Variants in CDH8 observed in about 807,000 individuals in gnomAD.
CDH8 encodes the protein cadherin 8, also known as cadherin-8.
Under a neutral mutation model 68.1 loss-of-function variants are expected in CDH8, and 17 were observed. The observed-to-expected ratio is 0.25, with a 90% CI of 0.17 to 0.37. The LOEUF (loss-of-function observed/expected upper bound fraction) is 0.37. Ranked by LOEUF, CDH8 falls within the 10% of genes least tolerant of loss-of-function variation. The pLI is 1.00. For synonymous variants in CDH8, 372 were observed against 365.1 expected (o/e 1.02, Z -0.21); for missense variants, 763 against 999.3 (o/e 0.76, Z 3.19).
At chr16:61,702,646 T>G (rs1390654433) in intron 10 of CDH8, among the ~76,000 whole-genome samples, 5 of 152,216 alleles carry the variant, frequency 3.3e-5, no homozygotes, top group Non-Finnish European at 7.3e-5. Flanking sequence ...ATTATGAGAA[T>G]CTTCTCTAAT....
chr16:61,853,812 C>A (rs2143014111), intron 4 of CDH8, among the ~76,000 whole-genome samples: 1 of 152,190 alleles, frequency 6.6e-6, no homozygotes, highest in Non-Finnish European at 1.5e-5. Flanking sequence ...CCATAGCATG[C>A]ATTTTTAAAA....
intron 1 of CDH8, among the ~76,000 whole-genome samples, chr16:62,034,579 T>C (rs1902407202): frequency 6.6e-6 from 1 of 152,126 alleles, no homozygotes; most frequent in Non-Finnish European, 1.5e-5. Flanking sequence ...TACTCTCGCT[T>C]ACCTTCCCTA....
At chr16:61,870,318 A>C (rs1410077701) in intron 3 of CDH8, among the ~76,000 whole-genome samples, 2 of 152,176 alleles carry the variant, frequency 1.3e-5, no homozygotes, top group Non-Finnish European at 2.9e-5. Flanking sequence ...GCTGTTCGCC[A>C]GGCGGAAAGA....
At chr16:61,800,864 G>A (rs775114688) in intron 7 of CDH8, among the ~76,000 whole-genome samples, 1 of 152,088 alleles carries the variant, frequency 6.6e-6, no homozygotes, top group Non-Finnish European at 1.5e-5. Context: ...TGTCAAACCA[G>A]AATGTAGAAA....
At chr16:62,031,337 T>G (rs1902319754) in intron 1 of CDH8, among the ~76,000 whole-genome samples, 1 of 152,304 alleles carries the variant, frequency 6.6e-6, no homozygotes, top group East Asian at 1.9e-4. Context: ...CTTATGAAAT[T>G]TCTGCAGAGA....
intron 10 of CDH8, among the ~76,000 whole-genome samples, chr16:61,680,496 T>C (rs1439391096): frequency 6.6e-6 from 1 of 151,910 alleles, no homozygotes; most frequent in Non-Finnish European, 1.5e-5. Flanking sequence ...CTTCTGTAGG[T>C]AAATTCCTTC....
intron 5 of CDH8, among the ~76,000 whole-genome samples, chr16:61,822,457 T>C (rs1567486886): frequency 6.6e-6 from 1 of 151,662 alleles, no homozygotes; most frequent in South Asian, 2.1e-4. Context: ...AAATCAAATC[T>C]GGAGAACATT....
At chr16:61,815,315 A>G (rs1358980427) in intron 7 of CDH8, among the ~76,000 whole-genome samples, 1 of 152,204 alleles carries the variant, frequency 6.6e-6, no homozygotes, top group Non-Finnish European at 1.5e-5. Flanking sequence ...AATAATAACT[A>G]GCAACTACAA....
intron 10 of CDH8, among the ~76,000 whole-genome samples, chr16:61,657,310 A>G (rs1963467392): frequency 6.6e-6 from 1 of 152,154 alleles, no homozygotes; most frequent in Non-Finnish European, 1.5e-5. Flanking sequence ...AAATGGATAT[A>G]TAGTTATATT....
chr16:61,702,893 C>T (rs1964460397), intron 10 of CDH8, among the ~76,000 whole-genome samples: 1 of 151,824 alleles, frequency 6.6e-6, no homozygotes, highest in Non-Finnish European at 1.5e-5. Context: ...GGAAAAATGG[C>T]AATAATAATA....
chr16:61,787,574 AGCCATCCCATTAC>A (rs1961256958), intron 8 of CDH8, among the ~76,000 whole-genome samples: 2 of 140,586 alleles, frequency 1.4e-5, no homozygotes, highest in African/African-American at 5.5e-5. Context: ...CATTTGACCC[AGCCATCCCATTAC>A]TGGGTATATA....
chr16:61,875,659 C>T (rs901547567), intron 3 of CDH8, among the ~76,000 whole-genome samples: 2 of 152,090 alleles, frequency 1.3e-5, no homozygotes, highest in Non-Finnish European at 2.9e-5. Flanking sequence ...GAAAAGTTTT[C>T]CTCTCCTATA....
intron 2 of CDH8, among the ~76,000 whole-genome samples, chr16:61,926,324 CAG>C (rs1964456691): frequency 6.6e-6 from 1 of 152,110 alleles, no homozygotes. Context: ...AATAAGAAAA[CAG>C]ATATTTGAAC....
chr16:61,852,356 G>A (rs549132727), intron 4 of CDH8, among the ~76,000 whole-genome samples: 6 of 152,022 alleles, frequency 3.9e-5, no homozygotes, highest in Non-Finnish European at 8.8e-5. Context: ...TATTGTTGCT[G>A]TTATTATTAG....
rs62052045 is a variant in CDH8, at chr16:61,989,575, C to G, written c.252+31577G>C. ...TCTCCTGGAACATGTTTTTCAGATA[C>G]TTGCTTGTGTAGCCAGAGCCTCAAT... On this transcript the variant is annotated intron_variant, in intron 2 of 11. Transcript: ENST00000577390. Among the ~76,000 whole-genome samples the G allele has an allele frequency of 9.9e-3, 1,512 of 152,286 alleles. 10 individuals are homozygous for G. Among genetic ancestry groups the G allele is most frequent in the Non-Finnish European group, 0.016 (1,067 of 68,028 alleles).
chr16:61,666,191 T>C (rs1963673754), intron 10 of CDH8, among the ~76,000 whole-genome samples: 1 of 148,084 alleles, frequency 6.8e-6, no homozygotes, highest in South Asian at 2.1e-4. Flanking sequence ...TGTGTGTGTG[T>C]GTGTGTGTGT....
chr16:61,935,136 G>A (rs551144442), intron 2 of CDH8, among the ~76,000 whole-genome samples: 73 of 152,146 alleles, frequency 4.8e-4, no homozygotes, highest in Admixed American at 1.7e-3. Flanking sequence ...ATACTCCAGC[G>A]TCCTGCAAGT....
intron 7 of CDH8, among the ~76,000 whole-genome samples, chr16:61,798,103 T>G (rs376538448): frequency 7.9e-5 from 12 of 152,192 alleles, no homozygotes; most frequent in African/African-American, 2.9e-4. Context: ...ACATAATACT[T>G]TTGAAAAATT....
intron 7 of CDH8, among the ~76,000 whole-genome samples, chr16:61,793,074 G>C (rs557320293): frequency 6.6e-6 from 1 of 151,806 alleles, no homozygotes; most frequent in African/African-American, 2.4e-5. Context: ...AATGAAATTA[G>C]TTCCCTTATA....
Sources: gnomAD v4.1 joint callset for allele counts (sites outside exome capture counted in the v4.1 genomes callset) on GRCh38, gnomAD v4.1.1 for gene constraint, MANE v1.5 for transcripts, NCBI Gene and HGNC (gene_info 2026-07-23, HGNC 2026-07-21) for gene names.